ENPP6: variants seen among roughly 807,000 people sequenced by gnomAD.
ENPP6 encodes the protein glycerophosphocholine cholinephosphodiesterase ENPP6.
Under a neutral mutation model 42.0 loss-of-function variants are expected in ENPP6, and 32 were observed. The ratio of observed to expected loss-of-function variants is 0.76; its 90% confidence interval spans 0.58 to 1.02. The LOEUF (loss-of-function observed/expected upper bound fraction) is 1.02, where lower values mean the gene tolerates loss of function less well. Among genes scored for constraint, ENPP6 ranks in the 50% least tolerant of loss-of-function variants. ENPP6 has a pLI of 0.00. For missense variants in ENPP6, 552 were observed against 566.8 expected (o/e 0.97, Z 0.27); for synonymous variants, 213 against 216.0 (o/e 0.99, Z 0.12).
chr4:184,209,611 T>A (rs1326805757), intron 1 of ENPP6, among the ~76,000 whole-genome samples: 1 of 151,180 alleles, frequency 6.6e-6, no homozygotes, highest in East Asian at 1.9e-4. Context: ...TACATCTGAT[T>A]TGTGTACCTG....
At chr4:184,213,804 G>A (rs1253941373) in intron 1 of ENPP6, among the ~76,000 whole-genome samples, 24 of 145,372 alleles carry the variant, frequency 1.7e-4, no homozygotes, top group Admixed American at 1.4e-3. Flanking sequence ...TGTTTATTGC[G>A]GCATTATTCA....
intron 1 of ENPP6, among the ~76,000 whole-genome samples, chr4:184,197,838 C>T (rs780966932): frequency 3.3e-5 from 5 of 152,164 alleles, no homozygotes; most frequent in Admixed American, 1.3e-4. Context: ...GGGACAAGGC[C>T]AGCCAGCTAA....
At chr4:184,131,234 CCTTTTCTT>C (rs771199356) in intron 2 of ENPP6, among the ~76,000 whole-genome samples, 2,375 of 74,320 alleles carry the variant, frequency 0.032, 269 homozygotes, top group African/African-American at 0.064. Flanking sequence ...TTCTTTCTTT[CCTTTTCTT>C]TCTTTCTTTC....
chr4:184,132,114 T>C (rs1736647234), intron 2 of ENPP6, among the ~76,000 whole-genome samples: 1 of 152,080 alleles, frequency 6.6e-6, no homozygotes. Flanking sequence ...CCACCCACAT[T>C]GGGGAGGGAA....
At chr4:184,093,028 G>A (rs1436002883) in intron 7 of ENPP6, among the ~76,000 whole-genome samples, 3 of 152,184 alleles carry the variant, frequency 2.0e-5, no homozygotes, top group Non-Finnish European at 2.9e-5. Flanking sequence ...CAGGGCAACT[G>A]CCCAAATAGC....
At position 184,111,190 on chromosome 4, in the gene ENPP6, G is replaced by A. The variant is rs564287787; in HGVS notation, c.993+1482C>T. On this transcript the variant is annotated intron_variant, in intron 6 of 7. Coordinates refer to ENST00000296741, the MANE Select transcript of ENPP6 (RefSeq NM_153343.4). ...CCTACCACCCAGCCTCTCAGCACGG[G>A]TGACTTCAGCTAAAGACGACAGAGT... 1.1e-3 allele frequency among the ~76,000 whole-genome samples: 163 copies of A among 152,282 alleles called. 1 individual carries two copies. Among genetic ancestry groups the A allele is most frequent in the Middle Eastern group, 6.8e-3 (2 of 294 alleles).
At chr4:184,174,384 G>C (rs1003978255) in intron 1 of ENPP6, among the ~76,000 whole-genome samples, 7 of 152,104 alleles carry the variant, frequency 4.6e-5, no homozygotes, top group Admixed American at 4.6e-4. Context: ...GACAGAAGGA[G>C]AGATGAGATC....
chr4:184,111,287 T>G lies in ENPP6; in HGVS notation c.993+1385A>C, dbSNP rs192119767. On this transcript the variant is annotated intron_variant, in intron 6 of 7. Coordinates refer to ENST00000296741, the MANE Select transcript of ENPP6 (RefSeq NM_153343.4). ...ATTAACCTTCAGGGCATATTTGCTT[T>G]TAAAAATTCCAAGCAATTCTGCCAG... Among the ~76,000 whole-genome samples the G allele has an allele frequency of 2.0e-5, 3 of 152,358 alleles. No individual in the cohort carries two copies. In the East Asian group the frequency reaches 5.8e-4, roughly 29 times the overall value.
chr4:184,163,348 G>T (rs186317263), intron 1 of ENPP6, among the ~76,000 whole-genome samples: 1 of 152,260 alleles, frequency 6.6e-6, no homozygotes, highest in Non-Finnish European at 1.5e-5. Flanking sequence ...GCTTGAGTGT[G>T]TGCTCAAGGC....
chr4:184,184,885 A>C lies in ENPP6; in HGVS notation c.242-31152T>G, dbSNP rs1579654421. 6.6e-6 allele frequency among the ~76,000 whole-genome samples: 1 copy of C among 152,064 alleles called. No homozygotes were observed. The highest frequency in any genetic ancestry group is 1.9e-4 in the East Asian group (1 of 5,166). ...GCAGTCGATTCCTGTTGTCTGAGCCACCCAGCGTGTGGAGTGTGTGACAGC... is the reference window on the plus strand; with the variant it reads ...GCAGTCGATTCCTGTTGTCTGAGCCCCCCAGCGTGTGGAGTGTGTGACAGC... On this transcript the variant is annotated intron_variant, in intron 1 of 7. Transcript: ENST00000296741. This position sits in a 1 kb window ranked among gnomAD's most constrained non-coding sequence, Gnocchi z 4.7.
intron 1 of ENPP6, among the ~76,000 whole-genome samples, chr4:184,186,014 T>C (rs749240379): frequency 1.3e-5 from 2 of 152,240 alleles, no homozygotes; most frequent in Non-Finnish European, 1.5e-5. Flanking sequence ...TGTCAGGTGT[T>C]AGCAATTTAC....
At chr4:184,165,629 G>A (rs997433982) in intron 1 of ENPP6, among the ~76,000 whole-genome samples, 2 of 101,062 alleles carry the variant, frequency 2.0e-5, no homozygotes, top group African/African-American at 8.6e-5. Flanking sequence ...AAAGTTTACT[G>A]TAAATACCTC....
At chr4:184,129,920 G>C (rs1049626780) in intron 2 of ENPP6, among the ~76,000 whole-genome samples, 18 of 92,052 alleles carry the variant, frequency 2.0e-4, no homozygotes, top group African/African-American at 8.4e-4. Flanking sequence ...TCAATGACTG[G>C]TTTGGCAGAC....
At chr4:184,193,301 A>G (rs1732734026) in intron 1 of ENPP6, among the ~76,000 whole-genome samples, 1 of 152,272 alleles carries the variant, frequency 6.6e-6, no homozygotes, top group Non-Finnish European at 1.5e-5. Context: ...ATAGTTGGCA[A>G]TAAAAGGAGA....
At chr4:184,129,469 C>A (rs563519670) in intron 2 of ENPP6, among the ~76,000 whole-genome samples, 1 of 152,138 alleles carries the variant, frequency 6.6e-6, no homozygotes, top group South Asian at 2.1e-4. Flanking sequence ...CCATCCACTA[C>A]GCATCAAGAC....
chr4:184,205,516 G>A (rs1053620782), intron 1 of ENPP6, among the ~76,000 whole-genome samples: 35 of 152,378 alleles, frequency 2.3e-4, no homozygotes, highest in Admixed American at 1.4e-3. Flanking sequence ...GGCCCCGAAG[G>A]GGCTGGGTGA....
intron 2 of ENPP6, among the ~76,000 whole-genome samples, chr4:184,134,814 G>A (rs1392483944): frequency 6.7e-6 from 1 of 149,734 alleles, no homozygotes; most frequent in African/African-American, 2.5e-5. Flanking sequence ...ATTACTTTTG[G>A]TCTTCTTAGC....
intron 3 of ENPP6, among the ~76,000 whole-genome samples, chr4:184,119,734 GGCTATTCTCATGATATT>G (rs573024339): frequency 2.1e-3 from 313 of 152,172 alleles, no homozygotes; most frequent in South Asian, 4.0e-3. Flanking sequence ...GGAGCATGGG[GGCTATTCTCATGATATT>G]GCTATTCTCA....
chr4:184,103,887 G>A (rs1736045856), intron 6 of ENPP6, among the ~76,000 whole-genome samples: 2 of 152,212 alleles, frequency 1.3e-5, no homozygotes, highest in African/African-American at 4.8e-5. Flanking sequence ...GCCACACACT[G>A]CTTGATCCTC....
Sources: allele counts gnomAD v4.1 joint callset (sites outside exome capture counted in the v4.1 genomes callset), GRCh38; gene constraint gnomAD v4.1.1; non-coding constraint Gnocchi (gnomAD v3.1); transcripts MANE v1.5; gene names NCBI Gene and HGNC (gene_info 2026-07-23, HGNC 2026-07-21).